Variants in LRRTM4 observed in about 807,000 individuals in gnomAD.
The protein encoded by LRRTM4 is leucine rich repeat transmembrane neuronal 4.
LRRTM4 carries 25 observed loss-of-function variants against 47.6 expected under a neutral mutation model. The ratio of observed to expected loss-of-function variants is 0.53; its 90% CI spans 0.38 to 0.73. The LOEUF (loss-of-function observed/expected upper bound fraction) is 0.73, where lower values mean the gene tolerates loss of function less well. Among genes scored for constraint, LRRTM4 ranks in the 30% least tolerant of loss-of-function variants. The pLI is 0.00. For missense variants in LRRTM4, 638 were observed against 713.4 expected (o/e 0.89, Z 1.20); for synonymous variants, 311 against 269.5 (o/e 1.15, Z -1.51).
chr2:76,887,267 T>G (rs1173485283), intron 3 of LRRTM4, among the ~76,000 whole-genome samples: 1 of 151,714 alleles, frequency 6.6e-6, no homozygotes, highest in Non-Finnish European at 1.5e-5. Context: ...CAAGAGGGTA[T>G]AGCATTATCA....
intron 3 of LRRTM4, chr2:77,517,604 C>G: frequency 1.0e-6 from 1 of 983,226 alleles, no homozygotes; most frequent in Non-Finnish European, 1.2e-6. Context: ...GGATCTATAT[C>G]CCAGTAATTA....
At chr2:77,456,867 A>G (rs1218942399) in intron 3 of LRRTM4, among the ~76,000 whole-genome samples, 1 of 150,490 alleles carries the variant, frequency 6.6e-6, no homozygotes, top group Non-Finnish European at 1.5e-5. Flanking sequence ...ATTTTCCCTC[A>G]TCTTCCAACT....
intron 3 of LRRTM4, among the ~76,000 whole-genome samples, chr2:77,195,271 A>C (rs1237193713): frequency 6.6e-6 from 1 of 151,950 alleles, no homozygotes; most frequent in Non-Finnish European, 1.5e-5. Flanking sequence ...AGATTGACTC[A>C]TAATTTAAAA....
At chr2:76,866,651 T>C (rs1672477607) in intron 3 of LRRTM4, among the ~76,000 whole-genome samples, 1 of 152,156 alleles carries the variant, frequency 6.6e-6, no homozygotes, top group African/African-American at 2.4e-5. Flanking sequence ...ATTATACAAA[T>C]CAGCAAACAA....
intron 3 of LRRTM4, among the ~76,000 whole-genome samples, chr2:77,104,633 G>A (rs1030557595): frequency 3.3e-5 from 5 of 152,104 alleles, no homozygotes; most frequent in Admixed American, 1.3e-4. Context: ...TGTGCAGAAG[G>A]AAGCACAAGA....
chr2:76,954,947 C>T (rs910169299), intron 3 of LRRTM4, among the ~76,000 whole-genome samples: 7 of 151,432 alleles, frequency 4.6e-5, no homozygotes, highest in East Asian at 2.0e-4. Context: ...ACAAAAAAAC[C>T]GCCAGCCATA....
intron 3 of LRRTM4, among the ~76,000 whole-genome samples, chr2:77,342,436 A>C (rs1395554284): frequency 6.6e-6 from 1 of 151,918 alleles, no homozygotes; most frequent in Non-Finnish European, 1.5e-5. Context: ...CAAACTATCA[A>C]TAGTGGCAAA....
intron 3 of LRRTM4, among the ~76,000 whole-genome samples, chr2:77,014,423 A>T (rs950735244): frequency 6.6e-6 from 1 of 151,712 alleles, no homozygotes; most frequent in Non-Finnish European, 1.5e-5. Context: ...AATATAAATC[A>T]TCTCGTCCCT....
At chr2:77,162,162 C>T (rs1019363811) in intron 3 of LRRTM4, among the ~76,000 whole-genome samples, 2 of 152,208 alleles carry the variant, frequency 1.3e-5, no homozygotes. Flanking sequence ...AATGGCACCC[C>T]AGGAGATTAT....
intron 3 of LRRTM4, chr2:77,009,641 A>G (rs892137669): frequency 2.0e-5 from 3 of 152,234 alleles, no homozygotes; most frequent in African/African-American, 7.2e-5. Context: ...CATTTTTAAC[A>G]TTAAACTTGA....
At chr2:77,000,926 A>G (rs936114580) in intron 3 of LRRTM4, among the ~76,000 whole-genome samples, 5 of 151,908 alleles carry the variant, frequency 3.3e-5, no homozygotes, top group Admixed American at 6.6e-5. Flanking sequence ...AGGCACTGTG[A>G]CTCCTTAGTA....
intron 3 of LRRTM4, among the ~76,000 whole-genome samples, chr2:76,870,787 T>C (rs1251273514): frequency 1.3e-5 from 2 of 152,232 alleles, no homozygotes; most frequent in African/African-American, 4.8e-5. Context: ...TACATACTTG[T>C]GGTGCAACCC....
At chr2:77,003,210 C>T (rs1393782502) in intron 3 of LRRTM4, among the ~76,000 whole-genome samples, 1 of 151,160 alleles carries the variant, frequency 6.6e-6, no homozygotes, top group African/African-American at 2.4e-5. Flanking sequence ...GAATTTTGTC[C>T]ACGTTTGTGT....
chr2:77,409,622 TA>T (rs1674343748), intron 3 of LRRTM4, among the ~76,000 whole-genome samples: 1 of 152,196 alleles, frequency 6.6e-6, no homozygotes, highest in South Asian at 2.1e-4. Flanking sequence ...TCTTTTGAAG[TA>T]CAAATAACTG....
intron 3 of LRRTM4, among the ~76,000 whole-genome samples, chr2:77,429,640 G>T (rs1010317755): frequency 6.6e-6 from 1 of 152,168 alleles, no homozygotes; most frequent in African/African-American, 2.4e-5. Context: ...TTATGTGTAT[G>T]TGGAATCAGA....
chr2:77,089,491 CG>C lies in LRRTM4; in HGVS notation c.1552-340576del, dbSNP rs1558573820. Among the ~76,000 whole-genome samples the C allele has an allele frequency of 1.3e-3, 202 of 151,688 alleles. 1 individual carries two copies. Among genetic ancestry groups the C allele is most frequent in the African/African-American group, 4.5e-3 (187 of 41,364 alleles). On this transcript the variant is annotated intron_variant, in intron 3 of 3. Transcript: ENST00000409884. ...TCCGTGCCCCGACCTCTTATTTCTG[CG>C]CCCCATCCCTTATTTCCATGCCCTG...
chr2:77,456,068 T>C (rs534841773), intron 3 of LRRTM4, among the ~76,000 whole-genome samples: 1 of 152,274 alleles, frequency 6.6e-6, no homozygotes, highest in East Asian at 1.9e-4. Context: ...TACCTTGAGC[T>C]CTTTCATCAA....
At chr2:77,282,856 A>C (rs1000470704) in intron 3 of LRRTM4, among the ~76,000 whole-genome samples, 8 of 152,054 alleles carry the variant, frequency 5.3e-5, no homozygotes, top group Non-Finnish European at 1.2e-4. Context: ...AGATGGATTA[A>C]AGATTTAAAT....
intron 3 of LRRTM4, among the ~76,000 whole-genome samples, chr2:77,419,024 C>T (rs1230384939): frequency 2.6e-5 from 4 of 152,122 alleles, no homozygotes; most frequent in Non-Finnish European, 5.9e-5. Context: ...TTATAAGTTT[C>T]ACAAAGGCAT....
Sources: gnomAD v4.1 joint callset for allele counts (sites outside exome capture counted in the v4.1 genomes callset) on GRCh38, gnomAD v4.1.1 for gene constraint, MANE v1.5 for transcripts, NCBI Gene and HGNC (gene_info 2026-07-23, HGNC 2026-07-21) for gene names.